The following LRP6 variants were observed in gnomAD, a reference collection of about 807,000 sequenced individuals.
LRP6 encodes low-density lipoprotein receptor-related protein 6.
Under a neutral mutation model 184.1 loss-of-function variants are expected in LRP6, and 43 were observed. The ratio of observed to expected loss-of-function variants is 0.23; its 90% CI spans 0.18 to 0.30. LRP6 has a LOEUF of 0.30. LRP6 is among the 10% of genes least tolerant of loss of function. The pLI, the probability that LRP6 is intolerant of heterozygous loss-of-function variation, is 1.00. For missense variants in LRP6, 1,571 were observed against 2,005.3 expected (o/e 0.78, Z 4.14); for synonymous variants, 719 against 684.9 (o/e 1.05, Z -0.78).
chr12:12,258,699 ATGAAGTTCACTC>A (rs1263479040), intron 1 of LRP6, among the ~76,000 whole-genome samples: 4 of 152,232 alleles, frequency 2.6e-5, no homozygotes, highest in Admixed American at 6.5e-5. Context: ...ATTCATGGTA[ATGAAGTTCACTC>A]GTCACCTTTC....
At chr12:12,133,683 T>G (rs1179046410) in intron 17 of LRP6, among the ~76,000 whole-genome samples, 1 of 152,160 alleles carries the variant, frequency 6.6e-6, no homozygotes, top group Non-Finnish European at 1.5e-5. Context: ...TTGCTAAATG[T>G]GCAAGCAAGA....
intron 17 of LRP6, 99 bp from the exon 18 acceptor site, chr12:12,132,156 T>C (rs1949769701): frequency 1.3e-6 from 1 of 770,570 alleles, no homozygotes; most frequent in Non-Finnish European, 2.4e-6. Context: ...ATAATTAACA[T>C]ACACAAAATA....
intron 2 of LRP6, among the ~76,000 whole-genome samples, chr12:12,243,876 G>C (rs986960811): frequency 2.0e-5 from 3 of 151,774 alleles, no homozygotes; most frequent in African/African-American, 7.3e-5. Context: ...TCAGCCACCC[G>C]TCTAGCTAGG....
chr12:12,119,048 T>C lies in LRP6; in HGVS notation c.*2078A>G, dbSNP rs559926287. On this transcript the variant is annotated 3_prime_UTR_variant, in exon 23 of 23. Transcript: ENST00000261349. ...TGTGTATCACAGAATCCAAGTTCAA[T>C]GTCCATTTTGTCTGACACTGTGGGC... The C allele has an allele frequency of 6.6e-6, 1 of 152,368 alleles. No individual in the cohort carries two copies. Among genetic ancestry groups the C allele is most frequent in the African/African-American group, 2.4e-5 (1 of 41,592 alleles). The allele number at this position is 152,368 out of a possible 1,614,324, so 9.4% of individuals were successfully genotyped here.
At chr12:12,198,636 C>T (rs536175888) in intron 3 of LRP6, among the ~76,000 whole-genome samples, 13 of 148,820 alleles carry the variant, frequency 8.7e-5, no homozygotes, top group African/African-American at 2.7e-4. Flanking sequence ...CGGATTCAAG[C>T]GATTCTACTG....
At chr12:12,265,151 C>A (rs1865724473) in intron 1 of LRP6, among the ~76,000 whole-genome samples, 1 of 152,146 alleles carries the variant, frequency 6.6e-6, no homozygotes, top group African/African-American at 2.4e-5. Context: ...ATTCTTATGT[C>A]AAATATAGTT....
At chr12:12,157,731 GT>G (rs1862631907) in intron 12 of LRP6, among the ~76,000 whole-genome samples, 2 of 152,130 alleles carry the variant, frequency 1.3e-5, no homozygotes. Flanking sequence ...TTAGCAGTTT[GT>G]TACTTTCCAT....
intron 15 of LRP6, chr12:12,138,815 C>T (rs1402566837): frequency 1.4e-6 from 2 of 1,427,002 alleles, no homozygotes; most frequent in Non-Finnish European, 1.9e-6. Context: ...TTTGAAAAAC[C>T]CTAACTTATA....
intron 11 of LRP6, among the ~76,000 whole-genome samples, chr12:12,159,374 C>G (rs1231316142): frequency 6.6e-6 from 1 of 152,020 alleles, no homozygotes; most frequent in Admixed American, 6.6e-5. Flanking sequence ...AACTTATATT[C>G]CTGCTACAAA....
chr12:12,211,319 G>A (rs1290349421), intron 2 of LRP6, among the ~76,000 whole-genome samples: 1 of 152,166 alleles, frequency 6.6e-6, no homozygotes, highest in African/African-American at 2.4e-5. Flanking sequence ...GTGGGCACCT[G>A]TAATCACAGC....
intron 16 of LRP6, among the ~76,000 whole-genome samples, chr12:12,137,660 A>G (rs925505390): frequency 6.6e-6 from 1 of 152,176 alleles, no homozygotes; most frequent in Admixed American, 6.5e-5. Flanking sequence ...GGGGAAGTAT[A>G]GAGAGGGAAG....
At chr12:12,160,008 A>G (rs754053936) in intron 10 of LRP6, 44 bp from the exon 11 acceptor site, 1 of 1,399,760 alleles carries the variant, frequency 7.1e-7, no homozygotes, top group South Asian at 1.3e-5. Flanking sequence ...ATTTTTTATT[A>G]TCTGGGGGAA....
intron 2 of LRP6, among the ~76,000 whole-genome samples, chr12:12,243,765 T>C (rs1865119352): frequency 6.6e-6 from 1 of 152,112 alleles, no homozygotes; most frequent in Non-Finnish European, 1.5e-5. Flanking sequence ...AAAAAAATTT[T>C]TTTGAGACAA....
At chr12:12,154,580 T>C (rs1004900800) in intron 12 of LRP6, among the ~76,000 whole-genome samples, 1 of 152,068 alleles carries the variant, frequency 6.6e-6, no homozygotes, top group Non-Finnish European at 1.5e-5. Context: ...AAACAAGCAA[T>C]AGAGCCTAGC....
At position 12,181,420 on chromosome 12, in the gene LRP6, A is replaced by C. The variant is rs1303228651; in HGVS notation, c.996T>G (p.Leu332=). Residue 332 remains leucine (L), a synonymous_variant, in exon 6 of 23, where the codon CTT becomes CTG. Coordinates refer to ENST00000261349, the MANE Select transcript of LRP6 (RefSeq NM_002336.3). ...GTCTCAAGTCTGTCCTTCGAGCTAA[A>C]AGCAATAATTCTGTGGCACCTAGAA... ...TCKDGATELL[L]LARRTDLRRI... 1 of 1,348,680 alleles carries C rather than the reference A, an allele frequency of 7.4e-7. No homozygotes were observed. The highest frequency in any genetic ancestry group is 1.4e-5 in the African/African-American group (1 of 69,918). 83.5% of individuals were successfully genotyped at this position (1,348,680 alleles called of 1,614,324 possible).
Position 12,117,316 on chromosome 12 carries a change from C to A in LRP6, c.*3810G>T, listed in dbSNP as rs1949531688. 1.3e-5 allele frequency: 2 copies of A among 152,212 alleles called. No homozygotes were observed. The highest frequency in any genetic ancestry group is 2.9e-5 in the Non-Finnish European group (2 of 68,034). The allele number at this position is 152,212 out of a possible 1,614,324, so 9.4% of individuals were successfully genotyped here. A position where few individuals can be genotyped will look rare whatever the true frequency, so the allele number is the denominator to read the frequency against. On this transcript the variant is annotated 3_prime_UTR_variant, in exon 23 of 23. Coordinates refer to ENST00000261349, the MANE Select transcript of LRP6 (RefSeq NM_002336.3). Reference sequence around the variant, plus strand: ...CTGTAGATGCCCAAATATTTGTCCACCTACTGATAACTGGTCAACACACTC... The same window carrying A: ...CTGTAGATGCCCAAATATTTGTCCAACTACTGATAACTGGTCAACACACTC...
Position 12,183,896 on chromosome 12 carries a change from C to A in LRP6, c.976+84G>T, listed in dbSNP as rs530616874. 9.1e-5 allele frequency: 116 copies of A among 1,273,140 alleles called. 2 individuals are homozygous for A. In the South Asian group the frequency reaches 1.3e-3, roughly 14 times the overall value. The allele number at this position is 1,273,140 out of a possible 1,614,324, so 78.9% of individuals were successfully genotyped here. A position where few individuals can be genotyped will look rare whatever the true frequency, so the allele number is the denominator to read the frequency against. On this transcript the variant is annotated intron_variant, in intron 5 of 22. Coordinates refer to ENST00000261349, the MANE Select transcript of LRP6 (RefSeq NM_002336.3). The stretch of plus-strand genomic sequence containing the variant: ...TGACTGGTCTCCCAAAGCAGTATAA[C>A]CTAGAGAGCTGATTATAGAGAAAAC...
chr12:12,164,935 AAAAAAAAAAAAAAAAAAAAAG>A, intron 8 of LRP6, 123 bp downstream of exon 8: 9 of 278,682 alleles, frequency 3.2e-5, no homozygotes, highest in Admixed American at 1.5e-4. Flanking sequence ...AAAAAAAAAA[AAAAAAAAAAAAAAAAAAAAAG>A]GCGGGGGGGC....
chr12:12,232,668 A>G (rs970471217), intron 2 of LRP6, among the ~76,000 whole-genome samples: 10 of 152,050 alleles, frequency 6.6e-5, no homozygotes, highest in African/African-American at 2.4e-4. Context: ...TATTTAAATG[A>G]TGAAAACACA....
Sources: gnomAD v4.1 joint callset for allele counts (sites outside exome capture counted in the v4.1 genomes callset) on GRCh38, gnomAD v4.1.1 for gene constraint, MANE v1.5 for transcripts, NCBI Gene and HGNC (gene_info 2026-07-23, HGNC 2026-07-21) for gene names.